The following MR1 variants were observed in gnomAD, a reference collection of about 807,000 sequenced individuals.
The protein encoded by MR1 is major histocompatibility complex class I-related protein 1.
A neutral mutation model predicts 37.8 loss-of-function variants in MR1; 44 were observed. That is an observed-to-expected ratio of 1.16 (90% CI 0.91 to 1.50). MR1 has a LOEUF of 1.50. Ranked by LOEUF, MR1 falls within the 40% of genes most tolerant of loss-of-function variation. MR1 has a pLI of 0.00. For synonymous variants in MR1, 153 were observed against 155.8 expected, an observed-to-expected ratio of 0.98 and a Z score of 0.13; for missense variants, 386 against 419.1, an observed-to-expected ratio of 0.92 and a Z score of 0.69.
intron 1 of MR1, among the ~76,000 whole-genome samples, chr1:181,046,431 A>G (rs1451427515): frequency 6.6e-6 from 1 of 152,084 alleles, no homozygotes; most frequent in Admixed American, 6.5e-5. Context: ...GACTGCACCA[A>G]TCGACACTCT....
chr1:181,050,200 T>A lies in MR1; in HGVS notation c.518T>A (p.Leu173Gln), dbSNP rs116172882. Residue 173 changes from leucine to glutamine, a missense_variant, in exon 3 of 6, where the codon CTG (leucine) becomes CAG (glutamine). Coordinates refer to ENST00000367580, the MANE Select transcript of MR1 (RefSeq NM_001385161.1). Reference protein sequence around the residue: ...QAWEANQHELLYQKNWLEEEC... With the variant: ...QAWEANQHELQYQKNWLEEEC... ...TGGGAGGCCAATCAGCATGAGTTGC[T>A]GTATCAAAAGAATTGGCTGGAAGAA... 5.1e-5 allele frequency: 82 copies of A among 1,614,106 alleles called. No individual in the cohort carries two copies. The highest frequency in any genetic ancestry group is 4.2e-4 in the East Asian group (19 of 44,892).
At chr1:181,054,848 C>T (rs1415741564) in intron 5 of MR1, among the ~76,000 whole-genome samples, 1 of 151,380 alleles carries the variant, frequency 6.6e-6, no homozygotes, top group African/African-American at 2.4e-5. Flanking sequence ...GCAGCAAGAG[C>T]GAGACTCTGT....
chr1:181,040,833 C>T (rs1187739017), intron 1 of MR1, among the ~76,000 whole-genome samples: 2 of 151,518 alleles, frequency 1.3e-5, no homozygotes, highest in Non-Finnish European at 2.9e-5. Flanking sequence ...TCTGTAATCC[C>T]AGCACTTTGG....
chr1:181,057,265 T>C lies in MR1; in HGVS notation c.*2000T>C, dbSNP rs539505479. 18 of 152,396 alleles carry C rather than the reference T, an allele frequency of 1.2e-4. No homozygotes were observed. The highest frequency in any genetic ancestry group is 3.9e-4 in the East Asian group (2 of 5,188). 9.4% of individuals were successfully genotyped at this position (152,396 alleles called of 1,614,324 possible). A position where few individuals can be genotyped will look rare whatever the true frequency, so the allele number is the denominator to read the frequency against. On this transcript the variant is annotated 3_prime_UTR_variant, in exon 6 of 6. Transcript: ENST00000367580. Reference sequence around the variant, plus strand: ...CTTTTCCGGTGCCTGTTGAGTTGCATAGAAGCACAGTTGTGTTTATTTTGT... The same window carrying C: ...CTTTTCCGGTGCCTGTTGAGTTGCACAGAAGCACAGTTGTGTTTATTTTGT...
rs1658452906 is a variant in MR1 at position 181,053,697 on chromosome 1, GA to G, written c.985+21del. 1.3e-6 allele frequency: 2 copies of G among 1,530,296 alleles called. No homozygotes were observed. The highest frequency in any genetic ancestry group is 3.3e-5 in the Admixed American group (2 of 59,752). 94.8% of individuals were successfully genotyped at this position (1,530,296 alleles called of 1,614,324 possible). On this transcript the variant is annotated intron_variant, in intron 5 of 5. Transcript: ENST00000367580. ...CCCGAGGTGAGAGGCACATGGAAGG[GA>G]TCCAGGGGGCTGCAGACTCTCCTGC...
Position 181,055,219 on chromosome 1 carries a change from T to G in MR1, c.986-6T>G. 1 of 1,613,678 alleles carries G rather than the reference T, an allele frequency of 6.2e-7. No individual in the cohort carries two copies. Among genetic ancestry groups the G allele is most frequent in the Non-Finnish European group, 8.5e-7 (1 of 1,179,570 alleles). On this transcript the variant is annotated splice_region_variant and splice_polypyrimidine_tract_variant and intron_variant, in intron 5 of 5. Transcript: ENST00000367580. ...GTAATCTGACTAAAAACCCCTTTCC[T>G]TTCAGAGCAAAATGGAGCCATCTAC...
rs1275589415 is a variant in MR1 at position 181,060,561 on chromosome 1, C to G, written c.*5296C>G. The G allele has an allele frequency of 2.0e-5, 3 of 152,152 alleles. No individual in the cohort carries two copies. Among genetic ancestry groups the G allele is most frequent in the Non-Finnish European group, 4.4e-5 (3 of 68,044 alleles). 9.4% of individuals were successfully genotyped at this position (152,152 alleles called of 1,614,324 possible). On this transcript the variant is annotated 3_prime_UTR_variant, in exon 6 of 6. Coordinates refer to ENST00000367580, the MANE Select transcript of MR1 (RefSeq NM_001385161.1). ...CTTACCTCTGTGAAAGGAGTTAAGCCAAAGGAATCTGTGGAATTTTGGAGA... is the reference window on the plus strand; with the variant it reads ...CTTACCTCTGTGAAAGGAGTTAAGCGAAAGGAATCTGTGGAATTTTGGAGA...
At chr1:181,048,912 T>C in intron 1 of MR1, 140 bp from the exon 2 acceptor site, 1 of 1,110,496 alleles carries the variant, frequency 9.0e-7, no homozygotes, top group Non-Finnish European at 1.3e-6. Flanking sequence ...TCTGTGGTTC[T>C]GTAAGAGGAA....
chr1:181,039,859 C>G (rs1298802069), intron 1 of MR1, among the ~76,000 whole-genome samples: 1 of 137,480 alleles, frequency 7.3e-6, no homozygotes, highest in Non-Finnish European at 1.5e-5. Flanking sequence ...GAGCGAGACT[C>G]CATCTCAAAA....
chr1:181,051,376 G>A (rs1235893425), intron 3 of MR1: 1 of 152,114 alleles, frequency 6.6e-6, no homozygotes, highest in African/African-American at 2.4e-5. Context: ...TACTTTTAAT[G>A]TTGGAAAGCC....
In MR1 at chr1:181,061,876, A is replaced by G. The variant is rs1658913463; in HGVS notation, c.*6611A>G. 6.6e-6 allele frequency: 1 copy of G among 152,196 alleles called. No homozygotes were observed. Among genetic ancestry groups the G allele is most frequent in the Admixed American group, 6.5e-5 (1 of 15,284 alleles). 9.4% of individuals were successfully genotyped at this position (152,196 alleles called of 1,614,324 possible). ...ATGAATGGTTTGAGGACTGGTCTGA[A>G]TTCTTCAAAGGTTTCAGCTGTATTA... On this transcript the variant is annotated 3_prime_UTR_variant, in exon 6 of 6. Coordinates refer to ENST00000367580, the MANE Select transcript of MR1 (RefSeq NM_001385161.1).
Position 181,050,218 on chromosome 1 carries a change from T to C in MR1, c.536T>C (p.Leu179Pro), listed in dbSNP as rs758580391. Residue 179 changes from leucine to proline, a missense_variant, in exon 3 of 6, where the codon CTG becomes CCG. Coordinates refer to ENST00000367580, the MANE Select transcript of MR1 (RefSeq NM_001385161.1). ...GAGTTGCTGTATCAAAAGAATTGGCTGGAAGAAGAATGTATTGCCTGGCTA... is the reference window on the plus strand; with the variant it reads ...GAGTTGCTGTATCAAAAGAATTGGCCGGAAGAAGAATGTATTGCCTGGCTA... ...QHELLYQKNW[L>P]EEECIAWLKR... The C allele has an allele frequency of 1.2e-6, 2 of 1,614,086 alleles. No homozygotes were observed. The highest frequency in any genetic ancestry group is 2.7e-5 in the African/African-American group (2 of 74,924).
At chr1:181,045,522 C>A (rs1188311015) in intron 1 of MR1, among the ~76,000 whole-genome samples, 2 of 152,022 alleles carry the variant, frequency 1.3e-5, no homozygotes, top group Non-Finnish European at 2.9e-5. Flanking sequence ...GCTCCCCCTG[C>A]CCGCCCTCCT....
Position 181,044,258 on chromosome 1 carries a change from C to T in MR1, c.68-4794C>T, listed in dbSNP as rs183195530. On this transcript the variant is annotated intron_variant, in intron 1 of 5. Transcript: ENST00000367580. ...GATTACAGGCGTGAGCCACTGCGCCCGGCCTGATCTTTTTTCTTAACTATA... is the reference window on the plus strand; with the variant it reads ...GATTACAGGCGTGAGCCACTGCGCCTGGCCTGATCTTTTTTCTTAACTATA... Among the ~76,000 whole-genome samples the T allele has an allele frequency of 1.6e-4, 24 of 152,226 alleles. 1 individual carries two copies. The highest frequency in any genetic ancestry group is 2.4e-4 in the Non-Finnish European group (16 of 68,024).
chr1:181,054,905 G>A (rs1658527006), intron 5 of MR1, among the ~76,000 whole-genome samples: 1 of 152,114 alleles, frequency 6.6e-6, no homozygotes, highest in Non-Finnish European at 1.5e-5. Flanking sequence ...TCAGCTCAGA[G>A]AGTTAATGGG....
intron 5 of MR1, among the ~76,000 whole-genome samples, chr1:181,054,887 A>G (rs1375884613): frequency 2.0e-5 from 3 of 152,046 alleles, no homozygotes; most frequent in Non-Finnish European, 4.4e-5. Context: ...AAAGAAAAGA[A>G]AAGAAAATCA....
rs138277521 is a variant in MR1 at position 181,050,114 on chromosome 1, C to A, written c.432C>A (p.Phe144Leu). The change falls in exon 3 of 6, where the codon TTC becomes TTA. Residue 144 changes from phenylalanine to leucine, a missense_variant. Coordinates refer to ENST00000367580, the MANE Select transcript of MR1 (RefSeq NM_001385161.1). ...ATGACGGGCAGGATTTCCTGATCTT[C>A]AATAAAGACACCCTCTCCTGGCTGG... ...YAYDGQDFLI[F>L]NKDTLSWLAV... is the part of the protein sequence containing the mutation. 124 of 1,614,060 alleles carry A rather than the reference C, an allele frequency of 7.7e-5. No individual in the cohort carries two copies. Among genetic ancestry groups the A allele is most frequent in the Middle Eastern group, 1.6e-4 (1 of 6,076 alleles).
chr1:181,047,219 T>C (rs1440164701), intron 1 of MR1, among the ~76,000 whole-genome samples: 21 of 151,794 alleles, frequency 1.4e-4, no homozygotes, highest in Admixed American at 1.4e-3. Flanking sequence ...CTTATTACAA[T>C]CCTTATAACT....
At chr1:181,038,193 A>G (rs1446812838) in intron 1 of MR1, among the ~76,000 whole-genome samples, 1 of 152,168 alleles carries the variant, frequency 6.6e-6, no homozygotes, top group Non-Finnish European at 1.5e-5. Flanking sequence ...GCAACCTTCA[A>G]AAGGGTAGCC....
Sources: allele counts gnomAD v4.1 joint callset (sites outside exome capture counted in the v4.1 genomes callset), GRCh38; gene constraint gnomAD v4.1.1; transcripts MANE v1.5; gene names NCBI Gene and HGNC (gene_info 2026-07-23, HGNC 2026-07-21).